The following SEC23A variants were observed in gnomAD, a reference collection of about 807,000 sequenced individuals.
SEC23A encodes the protein protein transport protein Sec23A.
A neutral mutation model predicts 103.7 loss-of-function variants in SEC23A; 56 were observed. That is an observed-to-expected ratio of 0.54 (90% CI 0.44 to 0.67). The LOEUF is 0.67. SEC23A is among the 30% of genes least tolerant of loss of function. The pLI is 0.00. For synonymous variants in SEC23A, 281 were observed against 293.0 expected (o/e 0.96, Z 0.42); for missense variants, 784 against 936.4 (o/e 0.84, Z 2.12).
At chr14:39,060,791 G>T (rs905553749) in intron 13 of SEC23A, among the ~76,000 whole-genome samples, 1 of 152,188 alleles carries the variant, frequency 6.6e-6, no homozygotes, top group African/African-American at 2.4e-5. Context: ...ACAAATACAT[G>T]CCTTATTTGG....
chr14:39,047,785 T>C (rs1452994841), intron 15 of SEC23A, among the ~76,000 whole-genome samples: 4 of 152,250 alleles, frequency 2.6e-5, no homozygotes, highest in Non-Finnish European at 5.9e-5. Context: ...GAGGGATCCA[T>C]GTCAGTCACC....
At chr14:39,098,111 T>A (rs1245843794) in intron 1 of SEC23A, among the ~76,000 whole-genome samples, 1 of 151,702 alleles carries the variant, frequency 6.6e-6, no homozygotes, top group East Asian at 1.9e-4. Context: ...AAAACTATTT[T>A]GAAGGTAAAT....
chr14:39,098,011 C>A (rs1566518002), intron 1 of SEC23A, among the ~76,000 whole-genome samples: 1 of 151,800 alleles, frequency 6.6e-6, no homozygotes, highest in Non-Finnish European at 1.5e-5. Context: ...ATCGCTTGAA[C>A]TGGGGGGGCA....
At chr14:39,096,479 G>A (rs183161097) in intron 1 of SEC23A, among the ~76,000 whole-genome samples, 313 of 151,294 alleles carry the variant, frequency 2.1e-3, no homozygotes, top group Non-Finnish European at 3.7e-3. Context: ...GTGGTGAGCC[G>A]AGATCATTCC....
intron 7 of SEC23A, among the ~76,000 whole-genome samples, chr14:39,077,298 C>T (rs964410714): frequency 6.9e-6 from 1 of 145,324 alleles, no homozygotes; most frequent in Non-Finnish European, 1.5e-5. Context: ...AATCCCAGCA[C>T]TTTCAGAGGC....
chr14:39,057,313 A>G (rs1350043564), intron 13 of SEC23A, among the ~76,000 whole-genome samples: 1 of 151,774 alleles, frequency 6.6e-6, no homozygotes, highest in Non-Finnish European at 1.5e-5. Context: ...CTCAAAAAAA[A>G]AAAAAACTTT....
chr14:39,080,021 C>G (rs1419560145), intron 7 of SEC23A, among the ~76,000 whole-genome samples: 2 of 151,978 alleles, frequency 1.3e-5, no homozygotes, highest in Admixed American at 6.6e-5. Flanking sequence ...GAGATAATAG[C>G]AGTCATGTAA....
chr14:39,100,817 A>G (rs929640871), intron 1 of SEC23A, among the ~76,000 whole-genome samples: 2 of 151,976 alleles, frequency 1.3e-5, no homozygotes, highest in Admixed American at 1.3e-4. Flanking sequence ...TATTCCACAC[A>G]CTATATTAGA....
intron 8 of SEC23A, 88 bp downstream of exon 8, chr14:39,075,847 T>A: frequency 8.8e-7 from 1 of 1,135,432 alleles, no homozygotes; most frequent in Non-Finnish European, 1.3e-6. Flanking sequence ...AATACCAATT[T>A]CTATCAAAAA....
intron 14 of SEC23A, among the ~76,000 whole-genome samples, chr14:39,050,048 G>A (rs750496204): frequency 1.3e-5 from 2 of 151,986 alleles, no homozygotes; most frequent in South Asian, 2.1e-4. Context: ...GATTACAGGC[G>A]TGAGCCACCG....
intron 14 of SEC23A, among the ~76,000 whole-genome samples, chr14:39,050,084 A>G (rs1886005709): frequency 2.0e-5 from 3 of 152,204 alleles, no homozygotes; most frequent in Admixed American, 1.3e-4. Flanking sequence ...AATTTTTTGA[A>G]CACCTGTAAA....
intron 15 of SEC23A, among the ~76,000 whole-genome samples, chr14:39,047,162 G>A (rs932829305): frequency 3.3e-5 from 5 of 152,152 alleles, no homozygotes; most frequent in Non-Finnish European, 7.3e-5. Flanking sequence ...AAGTATTCCA[G>A]GGTCCTCTGC....
At chr14:39,049,491 T>C (rs957351012) in intron 14 of SEC23A, among the ~76,000 whole-genome samples, 1 of 80,964 alleles carries the variant, frequency 1.2e-5, no homozygotes. Flanking sequence ...AAAAAAAAAA[T>C]TTGAGCCAAG....
chr14:39,052,465 G>A (rs1356009095), intron 14 of SEC23A, among the ~76,000 whole-genome samples: 3 of 151,934 alleles, frequency 2.0e-5, no homozygotes, highest in Non-Finnish European at 4.4e-5. Flanking sequence ...TGCAACAAGG[G>A]ACATACAAAA....
rs763047546 is a variant in SEC23A at position 39,067,344 on chromosome 14, T to G, written c.1104-48A>C. 4.4e-6 allele frequency: 7 copies of G among 1,607,308 alleles called. No homozygotes were observed. The African/African-American group carries it at 9.4e-5, about 22-fold the overall frequency. ...CAACATACTTGACACAGTTACTGAG[T>G]CCGTGTGTTAAAATCGTAGAAGAAA... is the stretch of plus-strand genomic sequence containing the variant. On this transcript the variant is annotated intron_variant, in intron 9 of 19. Coordinates refer to ENST00000307712, the MANE Select transcript of SEC23A (RefSeq NM_006364.4).
intron 1 of SEC23A, among the ~76,000 whole-genome samples, chr14:39,100,851 C>T (rs1170987958): frequency 6.7e-6 from 1 of 148,614 alleles, no homozygotes; most frequent in East Asian, 2.0e-4. Flanking sequence ...ATATTAGTCT[C>T]TTTTTTTTTT....
At position 39,033,129 on chromosome 14, in the gene SEC23A, C is replaced by CA. The variant is rs1885353753; in HGVS notation, c.*109dup. The CA allele has an allele frequency of 3.7e-6, 3 of 804,446 alleles. No individual in the cohort carries two copies. The highest frequency in any genetic ancestry group is 3.4e-5 in the African/African-American group (2 of 58,418). 49.8% of individuals were successfully genotyped at this position (804,446 alleles called of 1,614,324 possible). On this transcript the variant is annotated 3_prime_UTR_variant, in exon 20 of 20. Coordinates refer to ENST00000307712, the MANE Select transcript of SEC23A (RefSeq NM_006364.4). The stretch of plus-strand genomic sequence containing the variant: ...TATGTTGTCTCAAACCATACTAATA[C>CA]AAAAAATATAGAGCAATATCTGTTG...
chr14:39,062,058 G>A (rs1006092825), intron 12 of SEC23A, among the ~76,000 whole-genome samples, 187 bp from the exon 13 acceptor site: 7 of 152,030 alleles, frequency 4.6e-5, no homozygotes, highest in Non-Finnish European at 7.4e-5. Flanking sequence ...TTGGAGAGGA[G>A]GAAAATAATC....
At chr14:39,036,298 G>C (rs932173103) in intron 19 of SEC23A, among the ~76,000 whole-genome samples, 1 of 115,270 alleles carries the variant, frequency 8.7e-6, no homozygotes, top group Non-Finnish European at 1.6e-5. Context: ...CTCCAGCCTG[G>C]CAACAGAGCA....
Sources: allele counts gnomAD v4.1 joint callset (sites outside exome capture counted in the v4.1 genomes callset), GRCh38; gene constraint gnomAD v4.1.1; transcripts MANE v1.5; gene names NCBI Gene and HGNC (gene_info 2026-07-23, HGNC 2026-07-21).